NCOA6: variants seen among roughly 807,000 people sequenced by gnomAD.
NCOA6 encodes the protein NRC RAP250.
NCOA6 carries 49 observed loss-of-function variants against 171.4 expected under a neutral mutation model. That is an observed-to-expected ratio of 0.29 (90% CI 0.23 to 0.36). The LOEUF (loss-of-function observed/expected upper bound fraction) is 0.36, where lower values mean the gene tolerates loss of function less well. Among genes scored for constraint, NCOA6 ranks in the 10% least tolerant of loss-of-function variants. The pLI is 1.00. For missense variants in NCOA6, 2,248 were observed against 2,554.5 expected (o/e 0.88, Z 2.59); for synonymous variants, 910 against 927.5 (o/e 0.98, Z 0.34).
intron 4 of NCOA6, among the ~76,000 whole-genome samples, chr20:34,771,144 G>A (rs962647645): frequency 6.6e-6 from 1 of 152,030 alleles, no homozygotes; most frequent in Non-Finnish European, 1.5e-5. Flanking sequence ...TTGAAACAGG[G>A]TCTCACTCTG....
chr20:34,811,761 C>T (rs559294290), intron 1 of NCOA6, among the ~76,000 whole-genome samples: 4 of 152,288 alleles, frequency 2.6e-5, no homozygotes, highest in African/African-American at 4.8e-5. Flanking sequence ...CTGAATATTA[C>T]ACTTATAGTA....
At position 34,757,944 on chromosome 20, in the gene NCOA6, T is replaced by TGTTGTTGTTGCTGCTGC; in HGVS notation, c.803_804insGCAGCAGCAACAACAAC (p.Gln274HisfsTer71). On this transcript the variant is annotated frameshift_variant, in exon 7 of 15. Transcript: ENST00000359003. LOFTEE classifies it high-confidence loss of function. ...GCTGCTGCTGCTGCTGCTGCTGCTG[T>TGTTGTTGTTGCTGCTGC]TGTTGTTGTTGCTGCTGCTGCTGCA... 1 of 1,609,864 alleles carries TGTTGTTGTTGCTGCTGC rather than the reference T, an allele frequency of 6.2e-7. No homozygotes were observed. The highest frequency in any genetic ancestry group is 8.5e-7 in the Non-Finnish European group (1 of 1,177,652).
chr20:34,779,565 A>G (rs1332735924), intron 3 of NCOA6, among the ~76,000 whole-genome samples: 1 of 152,054 alleles, frequency 6.6e-6, no homozygotes, highest in African/African-American at 2.4e-5. Flanking sequence ...AGGCAAAACA[A>G]TTTTCTCTTT....
chr20:34,792,102 C>T (rs968109023), intron 2 of NCOA6, among the ~76,000 whole-genome samples: 5 of 152,058 alleles, frequency 3.3e-5, no homozygotes, highest in Admixed American at 6.6e-5. Context: ...TTGCAACTTT[C>T]AACATATATT....
intron 1 of NCOA6, chr20:34,819,800 A>C (rs759920453): frequency 6.6e-6 from 1 of 152,206 alleles, no homozygotes; most frequent in Non-Finnish European, 1.5e-5. Flanking sequence ...TGACTCATTT[A>C]ATCCTCACAA....
chr20:34,796,057 C>T (rs1451855894), intron 1 of NCOA6, among the ~76,000 whole-genome samples: 1 of 128,420 alleles, frequency 7.8e-6, no homozygotes, highest in Non-Finnish European at 1.5e-5. Flanking sequence ...GTCACCTAGG[C>T]TAGAGTGCGG....
At chr20:34,717,124 T>A (rs1988703158) in intron 14 of NCOA6, among the ~76,000 whole-genome samples, 1 of 152,198 alleles carries the variant, frequency 6.6e-6, no homozygotes, top group Non-Finnish European at 1.5e-5. Context: ...AAGGAAAAAT[T>A]TCACTACTCT....
chr20:34,791,921 C>G (rs1394099766), intron 2 of NCOA6, among the ~76,000 whole-genome samples: 1 of 152,224 alleles, frequency 6.6e-6, no homozygotes, highest in South Asian at 2.1e-4. Flanking sequence ...CCAATTTAAA[C>G]CCATTATGAC....
At chr20:34,751,376 CAAAAAAAA>C (rs35848122) in intron 8 of NCOA6, among the ~76,000 whole-genome samples, 4 of 68,292 alleles carry the variant, frequency 5.9e-5, no homozygotes, top group South Asian at 4.0e-4. Context: ...GACTCCGTCT[CAAAAAAAA>C]AAAAAAAAAA....
intron 14 of NCOA6, among the ~76,000 whole-genome samples, chr20:34,726,655 C>T (rs1233246548): frequency 2.6e-5 from 4 of 151,970 alleles, no homozygotes; most frequent in Non-Finnish European, 4.4e-5. Flanking sequence ...TGAGGTGGCA[C>T]GCACCTGTAA....
At chr20:34,761,037 A>T (rs957008096) in intron 5 of NCOA6, among the ~76,000 whole-genome samples, 4 of 152,080 alleles carry the variant, frequency 2.6e-5, no homozygotes, top group Admixed American at 1.3e-4. Context: ...CCTGGCCAAC[A>T]TGGTAAAACC....
chr20:34,763,046 T>C (rs2076864958), intron 5 of NCOA6, among the ~76,000 whole-genome samples: 1 of 152,206 alleles, frequency 6.6e-6, no homozygotes, highest in South Asian at 2.1e-4. Context: ...TAACATTCTG[T>C]TTTTCAATGT....
chr20:34,783,711 C>T (rs2077578780), intron 2 of NCOA6, among the ~76,000 whole-genome samples: 1 of 152,160 alleles, frequency 6.6e-6, no homozygotes, highest in Non-Finnish European at 1.5e-5. Context: ...CAACCTCCAC[C>T]TCCCAGGTTC....
chr20:34,798,379 C>G (rs1275230590), intron 1 of NCOA6, among the ~76,000 whole-genome samples: 4 of 152,234 alleles, frequency 2.6e-5, no homozygotes, highest in Non-Finnish European at 4.4e-5. Context: ...CCACCCAGGG[C>G]TGGAGAGAAC....
intron 5 of NCOA6, among the ~76,000 whole-genome samples, chr20:34,759,558 T>C (rs1185026771): frequency 6.6e-6 from 1 of 152,228 alleles, no homozygotes; most frequent in African/African-American, 2.4e-5. Flanking sequence ...ATTTTTTGTA[T>C]GCTTTTAATC....
At chr20:34,734,972 A>G (rs561603496) in intron 12 of NCOA6, among the ~76,000 whole-genome samples, 1 of 152,258 alleles carries the variant, frequency 6.6e-6, no homozygotes, top group East Asian at 1.9e-4. Flanking sequence ...AAAACAAGAA[A>G]AAGTTTGATG....
intron 1 of NCOA6, 97 bp from the exon 2 acceptor site, chr20:34,792,660 A>G: frequency 2.5e-6 from 1 of 396,900 alleles, no homozygotes; most frequent in Non-Finnish European, 4.4e-6. Context: ...TAATTTCATA[A>G]CCTATCTTTT....
chr20:34,771,420 C>T (rs1370532643), intron 4 of NCOA6, among the ~76,000 whole-genome samples: 3 of 152,192 alleles, frequency 2.0e-5, no homozygotes, highest in African/African-American at 7.2e-5. Context: ...CAGGTGTGAG[C>T]CACTCAGCCC....
chr20:34,749,089 T>C lies in NCOA6; in HGVS notation c.2792+314A>G, dbSNP rs552566602. On this transcript the variant is annotated intron_variant, in intron 9 of 14. Coordinates refer to ENST00000359003, the MANE Select transcript of NCOA6 (RefSeq NM_014071.5). ...GAGATAATCAGGGAAGTTTGAACAC[T>C]GGATATGAGAGTACTAAGGAAGTAT... Among the ~76,000 whole-genome samples the C allele has an allele frequency of 3.9e-5, 6 of 152,314 alleles. No individual in the cohort carries two copies. In the South Asian group the frequency reaches 1.2e-3, roughly 32 times the overall value.
Sources: allele counts gnomAD v4.1 joint callset (sites outside exome capture counted in the v4.1 genomes callset), GRCh38; gene constraint gnomAD v4.1.1; transcripts MANE v1.5; gene names NCBI Gene and HGNC (gene_info 2026-07-23, HGNC 2026-07-21).